Variants in NRK observed in about 807,000 individuals in gnomAD.
The protein encoded by NRK is Nik related kinase.
In NRK, 67 loss-of-function variants were observed where a neutral mutation model predicts 125.2. The observed-to-expected ratio is 0.54, with a 90% CI of 0.44 to 0.66. The LOEUF is 0.66. Among genes scored for constraint, NRK ranks in the 30% least tolerant of loss-of-function variants. NRK has a pLI of 0.00. For synonymous variants in NRK, 458 were observed against 429.0 expected (o/e 1.07, Z -0.84); for missense variants, 1,224 against 1,192.9 (o/e 1.03, Z -0.38).
chrX:105,870,808 C>T (rs1355805942), intron 2 of NRK, among the ~76,000 whole-genome samples: 2 of 111,805 alleles, frequency 1.8e-5, no homozygotes, highest in African/African-American at 6.5e-5. Context: ...TGTCTTCTGA[C>T]TCCTTTCACA....
At chrX:105,841,221 A>G (rs1312670605) in intron 2 of NRK, among the ~76,000 whole-genome samples, 1 of 111,562 alleles carries the variant, frequency 9.0e-6, no homozygotes, top group African/African-American at 3.3e-5. Context: ...GGAAGCTCTT[A>G]TAATTTTATG....
chrX:105,888,304 A>G lies in NRK; in HGVS notation c.263A>G (p.Glu88Gly). 8.4e-7 allele frequency: 1 copy of G among 1,192,345 alleles called. No homozygotes were observed. Among genetic ancestry groups the G allele is most frequent in the Non-Finnish European group, 1.1e-6 (1 of 882,690 alleles). Reference protein sequence around the residue: ...SVGWRYSDEEEDLRTELNLLR... With the variant: ...SVGWRYSDEEGDLRTELNLLR... ...ATTCTTATTCCATAGGATGAGGAAG[A>G]GGATCTCAGGACTGAACTCAACCTT... Residue 88 changes from glutamate (E) to glycine (G), a missense_variant, in exon 5 of 29, where the codon GAG becomes GGG. By Grantham distance (98) the Glu-to-Gly change is moderately conservative. Coordinates refer to ENST00000243300, the MANE Select transcript of NRK (RefSeq NM_198465.4).
At chrX:105,906,279 G>A (rs1242320452) in intron 10 of NRK, 135 bp from the exon 11 acceptor site, 2 of 333,909 alleles carry the variant, frequency 6.0e-6, no homozygotes, top group Non-Finnish European at 1.1e-5. Context: ...AGGATATTTG[G>A]CAATTGAGAA....
At chrX:105,847,697 A>G (rs1858107321) in intron 2 of NRK, among the ~76,000 whole-genome samples, 1 of 112,377 alleles carries the variant, frequency 8.9e-6, no homozygotes, top group Non-Finnish European at 1.9e-5. Flanking sequence ...CATGGAATAC[A>G]TTCTAGGTCA....
chrX:105,947,554 T>A (rs2040832579), intron 26 of NRK, among the ~76,000 whole-genome samples: 1 of 111,094 alleles, frequency 9.0e-6, no homozygotes, highest in Non-Finnish European at 1.9e-5. Context: ...TAATGTAATA[T>A]CCCTCACACA....
intron 5 of NRK, among the ~76,000 whole-genome samples, chrX:105,891,369 A>G (rs1282218014): frequency 8.9e-6 from 1 of 112,097 alleles, no homozygotes; most frequent in African/African-American, 3.2e-5. Context: ...TAAAAATTGA[A>G]TATTTAGAAT....
intron 2 of NRK, among the ~76,000 whole-genome samples, chrX:105,868,726 C>G (rs1220557444): frequency 9.6e-6 from 1 of 104,675 alleles, no homozygotes; most frequent in African/African-American, 3.5e-5. Context: ...CCCCCGCCCC[C>G]CACCACTCTG....
rs183192835 is a variant in NRK at position 105,891,959 on chromosome X, G to A, written c.379-1873G>A. ...CTTTTTTATATATTTTCACTTACAAGTTTTTTTTTCCTCTTGATAGTATAG... is the reference window on the plus strand; with the variant it reads ...CTTTTTTATATATTTTCACTTACAAATTTTTTTTTCCTCTTGATAGTATAG... On this transcript the variant is annotated intron_variant, in intron 5 of 28. Coordinates refer to ENST00000243300, the MANE Select transcript of NRK (RefSeq NM_198465.4). Among the ~76,000 whole-genome samples the A allele has an allele frequency of 3.3e-3, 360 of 110,505 alleles. 3 individuals carry two copies. Among genetic ancestry groups the A allele is most frequent in the African/African-American group, 0.011 (340 of 30,371 alleles).
intron 3 of NRK, among the ~76,000 whole-genome samples, chrX:105,881,129 T>TA (rs1187649751): frequency 2.7e-5 from 3 of 109,967 alleles, no homozygotes; most frequent in Non-Finnish European, 5.7e-5. Context: ...AGTATAATAA[T>TA]AAAAAAAGAA....
intron 1 of NRK, among the ~76,000 whole-genome samples, chrX:105,827,450 C>A (rs1294324383): frequency 9.0e-6 from 1 of 111,503 alleles, no homozygotes; most frequent in Non-Finnish European, 1.9e-5. Flanking sequence ...ATATTTGGTT[C>A]TGTGGATCAG....
chrX:105,926,615 T>C (rs1358866021), intron 19 of NRK, among the ~76,000 whole-genome samples: 1 of 111,585 alleles, frequency 9.0e-6, no homozygotes, highest in Non-Finnish European at 1.9e-5. Context: ...CTAGTAGTTT[T>C]ATGGTTTCAG....
At chrX:105,850,592 C>T (rs184713932) in intron 2 of NRK, among the ~76,000 whole-genome samples, 58 of 112,462 alleles carry the variant, frequency 5.2e-4, no homozygotes, top group African/African-American at 1.7e-3. Context: ...ACCCAAGTCA[C>T]CTTTTGAATG....
In NRK at chrX:105,956,637, A is replaced by T. The variant is rs995908111; in HGVS notation, c.*1037A>T. ...TCATTTTTTGTAAAATCAGAAATTA[A>T]TCTAAACATATTCAGTGATAAGTTC... On this transcript the variant is annotated 3_prime_UTR_variant, in exon 29 of 29. Transcript: ENST00000243300. 4 of 112,253 alleles carry T rather than the reference A, an allele frequency of 3.6e-5. No homozygotes were observed. Among genetic ancestry groups the T allele is most frequent in the Non-Finnish European group, 3.8e-5 (2 of 53,257 alleles). The allele number at this position is 112,253 out of a possible 1,213,427, so 9.3% of individuals were successfully genotyped here.
chrX:105,922,237 A>C (rs951139887), intron 17 of NRK, among the ~76,000 whole-genome samples, 176 bp downstream of exon 17: 1 of 112,381 alleles, frequency 8.9e-6, no homozygotes, highest in Non-Finnish European at 1.9e-5. Context: ...TCTAGAAATT[A>C]AAATTGAAAT....
intron 14 of NRK, 56 bp from the exon 15 acceptor site, chrX:105,915,674 G>A: frequency 1.6e-6 from 1 of 606,545 alleles, no homozygotes; most frequent in East Asian, 3.4e-5. Flanking sequence ...CAAATTAAGA[G>A]CTCAGTACAA....
Position 105,879,277 on chromosome X carries a change from C to G in NRK, c.124-922C>G, listed in dbSNP as rs546417484. On this transcript the variant is annotated intron_variant, in intron 2 of 28. Transcript: ENST00000243300. Reference sequence around the variant, plus strand: ...TCACATTTTGAGGTTCCAGGTGAACCTCAATTTTCGAGGGGACACTGTTCA... The same window carrying G: ...TCACATTTTGAGGTTCCAGGTGAACGTCAATTTTCGAGGGGACACTGTTCA... Among the ~76,000 whole-genome samples the G allele has an allele frequency of 2.7e-5, 3 of 110,651 alleles. No homozygotes were observed. The South Asian group carries it at 1.2e-3, about 43-fold the overall frequency.
chrX:105,862,325 T>G (rs183037290), intron 2 of NRK, among the ~76,000 whole-genome samples: 155 of 111,275 alleles, frequency 1.4e-3, no homozygotes, highest in Non-Finnish European at 2.3e-3. Context: ...AGAGCTAGTT[T>G]TGAATAAGGT....
intron 2 of NRK, among the ~76,000 whole-genome samples, chrX:105,849,219 A>G (rs1206363621): frequency 5.4e-5 from 6 of 111,966 alleles, no homozygotes; most frequent in African/African-American, 1.9e-4. Flanking sequence ...GGAAGAAGCA[A>G]GAGCAGAAAC....
At chrX:105,948,240 A>G (rs781422523) in intron 26 of NRK, among the ~76,000 whole-genome samples, 1 of 111,469 alleles carries the variant, frequency 9.0e-6, no homozygotes, top group African/African-American at 3.3e-5. Context: ...TTCCTTTTGA[A>G]GCAATTTGTT....
Sources: gnomAD v4.1 joint callset for allele counts (sites outside exome capture counted in the v4.1 genomes callset) on GRCh38, gnomAD v4.1.1 for gene constraint, MANE v1.5 for transcripts, NCBI Gene and HGNC (gene_info 2026-07-23, HGNC 2026-07-21) for gene names.